The following DPF1 variants were observed in gnomAD, a reference collection of about 807,000 sequenced individuals.
DPF1 encodes the protein zinc finger protein neuro-d4.
In DPF1, 14 loss-of-function variants were observed where a neutral mutation model predicts 58.7. The ratio of observed to expected loss-of-function variants is 0.24; its 90% confidence interval spans 0.16 to 0.37. The LOEUF is 0.37. Among genes scored for constraint, DPF1 ranks in the 10% least tolerant of loss-of-function variants. DPF1 has a pLI of 1.00. For missense variants in DPF1, 345 were observed against 529.9 expected (o/e 0.65, Z 3.43); for synonymous variants, 216 against 216.0 (o/e 1.00, Z 0.00).
chr19:38,222,975 C>G lies in DPF1; in HGVS notation c.30-267G>C, dbSNP rs1284658005. ...CAAACAAAAACACACCGGGACGTAT[C>G]CCTACCTGAACACATGCAGACACAC... On this transcript the variant is annotated intron_variant, in intron 1 of 11. Transcript: ENST00000355526. The surrounding 1 kb of genome is among the most constrained non-coding windows in gnomAD (Gnocchi z 4.9). 1 of 481,306 alleles carries G rather than the reference C, an allele frequency of 2.1e-6. No homozygotes were observed. The highest frequency in any genetic ancestry group is 3.6e-6 in the Non-Finnish European group (1 of 274,284). The allele number at this position is 481,306 out of a possible 1,614,324, so 29.8% of individuals were successfully genotyped here.
At chr19:38,224,773 C>T (rs1448188204), upstream of DPF1, among the ~76,000 whole-genome samples, 1 of 152,208 alleles carries the variant, frequency 6.6e-6, no homozygotes, top group Non-Finnish European at 1.5e-5. The surrounding 1 kb of genome is among the most constrained non-coding windows in gnomAD (Gnocchi z 4.5). Context: ...AGCAGCAGTG[C>T]AGGTTAGAAA....
chr19:38,224,018 A>G lies in DPF1; in HGVS notation c.29+96T>C. On this transcript the variant is annotated intron_variant, in intron 1 of 11. Transcript: ENST00000355526. The surrounding 1 kb of genome is among the most constrained non-coding windows in gnomAD (Gnocchi z 4.5). ...GCCCCGCACTCGGTGACAGCCCCCC[A>G]GACACCCCTTCGGCCCCACCCCCGG... 7.4e-7 allele frequency: 1 copy of G among 1,346,866 alleles called. No homozygotes were observed. The highest frequency in any genetic ancestry group is 9.6e-7 in the Non-Finnish European group (1 of 1,046,254). The allele number at this position is 1,346,866 out of a possible 1,614,324, so 83.4% of individuals were successfully genotyped here.
intron 7 of DPF1, 187 bp downstream of exon 7, chr19:38,217,273 C>A (rs1006732574): frequency 2.3e-5 from 16 of 711,064 alleles, no homozygotes; most frequent in Non-Finnish European, 3.4e-5. Context: ...CGGCCAGGAG[C>A]GAAGGAGCGA....
chr19:38,221,905 A>G (rs770034903), intron 3 of DPF1, among the ~76,000 whole-genome samples: 2 of 152,028 alleles, frequency 1.3e-5, no homozygotes, highest in African/African-American at 4.8e-5. Context: ...AACATGGTGA[A>G]ACCCCGTTTC....
At position 38,212,067 on chromosome 19, in the gene DPF1, G is replaced by C. The variant is rs1430733534; in HGVS notation, c.1160C>G (p.Thr387Ser). Residue 387 changes from threonine (T) to serine (S), a missense_variant, in exon 12 of 12, where the codon ACC becomes AGC. Transcript: ENST00000355526. ...KEKASAYITL[T>S] ...GTCGCGGCGAGCCGAGCCGGCCTAG[G>C]TGAGGGTGATGTAAGCAGAAGCCTT... is the stretch of plus-strand genomic sequence containing the variant. 6.2e-7 allele frequency: 1 copy of C among 1,611,528 alleles called. No individual in the cohort carries two copies. The highest frequency in any genetic ancestry group is 2.2e-5 in the East Asian group (1 of 44,790).
chr19:38,220,397 A>T (rs1006875852), intron 3 of DPF1, among the ~76,000 whole-genome samples: 16 of 152,100 alleles, frequency 1.1e-4, no homozygotes, highest in Non-Finnish European at 2.2e-4. Flanking sequence ...CGAGGCGGGC[A>T]GATCATGAGG....
upstream of DPF1, among the ~76,000 whole-genome samples, chr19:38,226,452 TC>T (rs1967823395): frequency 6.9e-6 from 1 of 145,122 alleles, no homozygotes; most frequent in African/African-American, 2.6e-5. Flanking sequence ...TCACTTGAAA[TC>T]CCCCCAAGAG....
intron 5 of DPF1, among the ~76,000 whole-genome samples, 164 bp from the exon 6 acceptor site, chr19:38,218,040 A>C (rs1157491814): frequency 6.6e-6 from 1 of 152,066 alleles, no homozygotes; most frequent in Non-Finnish European, 1.5e-5. Context: ...CGTCTCTACT[A>C]AAAATAGAAA....
Position 38,224,110 on chromosome 19 carries a change from C to T in DPF1, c.29+4G>A. On this transcript the variant is annotated splice_donor_region_variant and intron_variant, in intron 1 of 11. Coordinates refer to ENST00000355526, the MANE Select transcript of DPF1 (RefSeq NM_001135155.3). This position sits in a 1 kb window ranked among gnomAD's most constrained non-coding sequence, Gnocchi z 4.5. Reference sequence around the variant, plus strand: ...CCTCTCCGCCTCCCGCCGGCCCGCACCACCTCAGGGGGCCAGGGATGACAG... The same window carrying T: ...CCTCTCCGCCTCCCGCCGGCCCGCATCACCTCAGGGGGCCAGGGATGACAG... 2 of 1,503,282 alleles carry T rather than the reference C, an allele frequency of 1.3e-6. No individual in the cohort carries two copies. The highest frequency in any genetic ancestry group is 1.8e-6 in the Non-Finnish European group (2 of 1,137,100). 93.1% of individuals were successfully genotyped at this position (1,503,282 alleles called of 1,614,324 possible).
At chr19:38,223,465 G>A (rs1967649879) in intron 1 of DPF1, among the ~76,000 whole-genome samples, 2 of 151,770 alleles carry the variant, frequency 1.3e-5, no homozygotes, top group Admixed American at 6.6e-5. Flanking sequence ...TGCGCAACCA[G>A]TATCTAAAAT....
At chr19:38,224,374 G>T, upstream of DPF1, 2 of 1,047,976 alleles carry the variant, frequency 1.9e-6, no homozygotes, top group Non-Finnish European at 2.5e-6. The surrounding 1 kb of genome is among the most constrained non-coding windows in gnomAD (Gnocchi z 4.5). Flanking sequence ...GGGGCCCGGG[G>T]CACGCACCGT....
At chr19:38,212,673 G>A (rs1973539494) in intron 10 of DPF1, among the ~76,000 whole-genome samples, 1 of 151,472 alleles carries the variant, frequency 6.6e-6, no homozygotes, top group African/African-American at 2.4e-5. Flanking sequence ...GTGCGGTGGT[G>A]CAGTCACAGC....
At chr19:38,214,567 C>T (rs780092730) in intron 9 of DPF1, among the ~76,000 whole-genome samples, 13 of 152,322 alleles carry the variant, frequency 8.5e-5, no homozygotes, top group Middle Eastern at 3.4e-3. Context: ...CTATGGCGAG[C>T]TCATCCTGCT....
intron 9 of DPF1, among the ~76,000 whole-genome samples, chr19:38,214,762 G>T (rs533172925): frequency 2.6e-5 from 4 of 151,726 alleles, no homozygotes; most frequent in African/African-American, 9.7e-5. Context: ...GACCTCCCAG[G>T]CTCCAGCGAT....
At position 38,218,912 on chromosome 19, in the gene DPF1, C is replaced by T. The variant is rs2288909; in HGVS notation, c.426+19G>A. The T allele has an allele frequency of 0.17, 281,002 of 1,612,844 alleles. 26,220 individuals are homozygous for T. The highest frequency in any genetic ancestry group is 0.22 in the South Asian group (19,931 of 90,996). On this transcript the variant is annotated intron_variant, in intron 4 of 11. Coordinates refer to ENST00000355526, the MANE Select transcript of DPF1 (RefSeq NM_001135155.3). ...TGAGACGAAGCCATGCAGCGGGGGT[C>T]CCCCAGAGGTGGGCCCACCTGACAG... is the stretch of plus-strand genomic sequence containing the variant.
chr19:38,214,624 C>A (rs1043999953), intron 9 of DPF1, among the ~76,000 whole-genome samples: 1 of 152,126 alleles, frequency 6.6e-6, no homozygotes, highest in African/African-American at 2.4e-5. Context: ...ACACAGCCCA[C>A]TACCTGCCAT....
chr19:38,216,323 G>C (rs1332648485), intron 8 of DPF1, 30 bp downstream of exon 8: 1 of 1,606,780 alleles, frequency 6.2e-7, no homozygotes, highest in East Asian at 2.2e-5. Flanking sequence ...GGTGGCTGCA[G>C]ACTTTAGGAG....
At chr19:38,223,899 AG>A in intron 1 of DPF1, 2 of 490,744 alleles carry the variant, frequency 4.1e-6, no homozygotes, top group Non-Finnish European at 6.5e-6. Flanking sequence ...AAGAATCTGG[AG>A]GCCCCCCACG....
chr19:38,211,949 C>T lies in DPF1; in HGVS notation c.*114G>A. 7.9e-7 allele frequency: 1 copy of T among 1,262,014 alleles called. No individual in the cohort carries two copies. The highest frequency in any genetic ancestry group is 1.1e-6 in the Non-Finnish European group (1 of 901,714). 78.2% of individuals were successfully genotyped at this position (1,262,014 alleles called of 1,614,324 possible). Reference sequence around the variant, plus strand: ...GGGAGGGGGTGGCCCAGCCCCCTCTCGGCTTCCCCCTCTCCCCCTCCCCCT... The same window carrying T: ...GGGAGGGGGTGGCCCAGCCCCCTCTTGGCTTCCCCCTCTCCCCCTCCCCCT... On this transcript the variant is annotated 3_prime_UTR_variant, in exon 12 of 12. Coordinates refer to ENST00000355526, the MANE Select transcript of DPF1 (RefSeq NM_001135155.3). The surrounding 1 kb of genome is among the most constrained non-coding windows in gnomAD (Gnocchi z 4.0).
Sources: allele counts gnomAD v4.1 joint callset (sites outside exome capture counted in the v4.1 genomes callset), GRCh38; gene constraint gnomAD v4.1.1; non-coding constraint Gnocchi (gnomAD v3.1); transcripts MANE v1.5; gene names NCBI Gene and HGNC (gene_info 2026-07-23, HGNC 2026-07-21).